Variants in TOM1L2 observed in about 807,000 individuals in gnomAD.
The protein encoded by TOM1L2 is TOM1-like protein 2.
A neutral mutation model predicts 67.9 loss-of-function variants in TOM1L2; 31 were observed. The observed-to-expected ratio is 0.46, with a 90% CI of 0.34 to 0.62. The LOEUF (loss-of-function observed/expected upper bound fraction) is 0.62. Ranked by LOEUF, TOM1L2 falls within the 20% of genes least tolerant of loss-of-function variation. The pLI is 0.01. For synonymous variants in TOM1L2, 256 were observed against 254.0 expected, an observed-to-expected ratio of 1.01 and a Z score of -0.07; for missense variants, 606 against 663.5, an observed-to-expected ratio of 0.91 and a Z score of 0.95.
At chr17:17,956,502 C>T (rs1241347920) in intron 1 of TOM1L2, among the ~76,000 whole-genome samples, 2 of 152,252 alleles carry the variant, frequency 1.3e-5, no homozygotes, top group Non-Finnish European at 2.9e-5. Flanking sequence ...GCCTGCACTC[C>T]TCAGCCCTTG....
At chr17:17,863,478 CA>C (rs1369751130) in intron 10 of TOM1L2, 1 of 151,224 alleles carries the variant, frequency 6.6e-6, no homozygotes, top group Non-Finnish European at 1.5e-5. Flanking sequence ...GTGAAGTGAA[CA>C]ACGCTCACAG....
intron 1 of TOM1L2, among the ~76,000 whole-genome samples, chr17:17,923,658 C>G (rs551412122): frequency 6.6e-6 from 1 of 152,048 alleles, no homozygotes; most frequent in African/African-American, 2.4e-5. Context: ...CCACTGCACT[C>G]CAGCCTGGGC....
chr17:17,905,123 T>A (rs1237621346), intron 2 of TOM1L2, among the ~76,000 whole-genome samples: 1 of 152,166 alleles, frequency 6.6e-6, no homozygotes. Context: ...AGATGTGTAG[T>A]CCCTAACAAC....
At chr17:17,866,266 T>TA in intron 10 of TOM1L2, 30 bp downstream of exon 10, 1 of 1,599,726 alleles carries the variant, frequency 6.3e-7, no homozygotes, top group Middle Eastern at 1.7e-4. Flanking sequence ...AGGAAGTAGG[T>TA]AGGCCCTTTT....
At chr17:17,936,688 GT>G (rs1326772828) in intron 1 of TOM1L2, among the ~76,000 whole-genome samples, 1 of 152,090 alleles carries the variant, frequency 6.6e-6, no homozygotes, top group Non-Finnish European at 1.5e-5. Flanking sequence ...TTTATAAGCT[GT>G]TTTTTAATTA....
intron 4 of TOM1L2, among the ~76,000 whole-genome samples, chr17:17,886,866 G>A (rs2038026080): frequency 6.6e-6 from 1 of 152,190 alleles, no homozygotes; most frequent in South Asian, 2.1e-4. Flanking sequence ...ACCCAAGTTG[G>A]GCCAATCAGA....
chr17:17,932,165 T>C (rs2040362165), intron 1 of TOM1L2, among the ~76,000 whole-genome samples: 1 of 152,252 alleles, frequency 6.6e-6, no homozygotes, highest in Admixed American at 6.5e-5. Flanking sequence ...TGAGATGTTC[T>C]AGTAATTCTT....
intron 1 of TOM1L2, among the ~76,000 whole-genome samples, chr17:17,921,604 G>A (rs1004629363): frequency 1.3e-5 from 2 of 152,128 alleles, no homozygotes; most frequent in African/African-American, 2.4e-5. Flanking sequence ...TGGGGAAGAG[G>A]GGGCTGTGGC....
chr17:17,913,248 C>CGTGGGGAGACG lies in TOM1L2; in HGVS notation c.53-5728_53-5718dup, dbSNP rs1568257195. On this transcript the variant is annotated intron_variant, in intron 1 of 14. Coordinates refer to ENST00000379504, the MANE Select transcript of TOM1L2 (RefSeq NM_001082968.2). Reference sequence around the variant, plus strand: ...GAGACCGTGGGGAGACGGGGGAGACCGTGGGGAGACGGGAGAGGGAGAGGG... The same window carrying CGTGGGGAGACG: ...GAGACCGTGGGGAGACGGGGGAGACCGTGGGGAGACGGTGGGGAGACGGGAGAGGGAGAGGG... Among the ~76,000 whole-genome samples, 31 of 120,442 alleles carry CGTGGGGAGACG rather than the reference C, an allele frequency of 2.6e-4. No homozygotes were observed. In the East Asian group the frequency reaches 6.0e-3, roughly 23 times the overall value. 79.0% of individuals were successfully genotyped at this position (120,442 alleles called of 152,430 possible).
At position 17,857,477 on chromosome 17, in the gene TOM1L2, G is replaced by A. The variant is rs951813806; in HGVS notation, c.1278+3999C>T. The stretch of plus-strand genomic sequence containing the variant: ...CATCCTGGAAAAGTGAATACTGCTC[G>A]GAGCTCCGGAGACAGTAAAAGGAAG... On this transcript the variant is annotated intron_variant, in intron 12 of 14. Coordinates refer to ENST00000379504, the MANE Select transcript of TOM1L2 (RefSeq NM_001082968.2). 8.5e-5 allele frequency among the ~76,000 whole-genome samples: 13 copies of A among 152,098 alleles called. No homozygotes were observed. The South Asian group carries it at 2.3e-3, about 27-fold the overall frequency.
intron 6 of TOM1L2, 34 bp from the exon 7 acceptor site, chr17:17,879,777 G>C (rs1451351776): frequency 6.5e-7 from 1 of 1,549,718 alleles, no homozygotes; most frequent in Non-Finnish European, 8.9e-7. Flanking sequence ...AAGCAGGAAG[G>C]AAAGGTCAGT....
In TOM1L2 at chr17:17,850,962, C is replaced by A; in HGVS notation, c.1279-10G>T. ...GCTGCGCAACGGGGATCTATGGAGG[C>A]GGCAAGCAGCGGGCCAGGCAGCCCC... is the stretch of plus-strand genomic sequence containing the variant. On this transcript the variant is annotated splice_polypyrimidine_tract_variant and intron_variant, in intron 12 of 14. Coordinates refer to ENST00000379504, the MANE Select transcript of TOM1L2 (RefSeq NM_001082968.2). 6.2e-7 allele frequency: 1 copy of A among 1,613,546 alleles called. No individual in the cohort carries two copies. Among genetic ancestry groups the A allele is most frequent in the Non-Finnish European group, 8.5e-7 (1 of 1,179,980 alleles).
chr17:17,897,484 G>A (rs192246588), intron 3 of TOM1L2, among the ~76,000 whole-genome samples: 1 of 152,290 alleles, frequency 6.6e-6, no homozygotes, highest in East Asian at 1.9e-4. Context: ...TTGACCTGGT[G>A]ACCTGTTACA....
intron 1 of TOM1L2, among the ~76,000 whole-genome samples, chr17:17,938,078 C>G (rs185554916): frequency 6.6e-6 from 1 of 152,304 alleles, no homozygotes; most frequent in East Asian, 1.9e-4. Context: ...GAGCAGAGAC[C>G]TCCCTCTGTG....
chr17:17,894,389 C>A (rs1357701199), intron 3 of TOM1L2, among the ~76,000 whole-genome samples: 2 of 152,212 alleles, frequency 1.3e-5, no homozygotes, highest in Non-Finnish European at 2.9e-5. Context: ...ACTTTAATGT[C>A]CATGTTCAAT....
At chr17:17,968,477 C>T (rs140667386) in intron 1 of TOM1L2, among the ~76,000 whole-genome samples, 2 of 152,124 alleles carry the variant, frequency 1.3e-5, no homozygotes, top group East Asian at 3.9e-4. Flanking sequence ...CCAGCCTGGC[C>T]AAGGTAGTGA....
chr17:17,960,841 T>C (rs920130043), intron 1 of TOM1L2, among the ~76,000 whole-genome samples: 1 of 152,190 alleles, frequency 6.6e-6, no homozygotes, highest in African/African-American at 2.4e-5. Flanking sequence ...TGACTGCTAC[T>C]AATAGCACCA....
In TOM1L2 at chr17:17,898,107, G is replaced by C. The variant is rs948432296; in HGVS notation, c.216+489C>G. ...TGCCTGGCTAATTTTTGTATTTTTAGTAGAGACTGGGTTTCACTATGTTGG... is the reference window on the plus strand; with the variant it reads ...TGCCTGGCTAATTTTTGTATTTTTACTAGAGACTGGGTTTCACTATGTTGG... On this transcript the variant is annotated intron_variant, in intron 3 of 14. Coordinates refer to ENST00000379504, the MANE Select transcript of TOM1L2 (RefSeq NM_001082968.2). Among the ~76,000 whole-genome samples the C allele has an allele frequency of 3.9e-5, 6 of 151,962 alleles. No individual in the cohort carries two copies. The South Asian group carries it at 1.2e-3, about 32-fold the overall frequency.
At chr17:17,900,599 C>T (rs2038807909) in intron 2 of TOM1L2, among the ~76,000 whole-genome samples, 1 of 151,612 alleles carries the variant, frequency 6.6e-6, no homozygotes, top group African/African-American at 2.4e-5. Context: ...TTTTAAAACA[C>T]CCTGAATCAC....
Sources: gnomAD v4.1 joint callset for allele counts (sites outside exome capture counted in the v4.1 genomes callset) on GRCh38, gnomAD v4.1.1 for gene constraint, MANE v1.5 for transcripts, NCBI Gene and HGNC (gene_info 2026-07-23, HGNC 2026-07-21) for gene names.